METTL1: variants seen among roughly 807,000 people sequenced by gnomAD.
METTL1 encodes tRNA (guanine-N(7)-)-methyltransferase.
A neutral mutation model predicts 27.7 loss-of-function variants in METTL1; 14 were observed. That is an observed-to-expected ratio of 0.51 (90% CI 0.33 to 0.79). The LOEUF (loss-of-function observed/expected upper bound fraction) is 0.79. METTL1 is among the 30% of genes least tolerant of loss of function. The pLI, the probability that METTL1 is intolerant of heterozygous loss-of-function variation, is 0.02. For missense variants in METTL1, 333 were observed against 359.6 expected (o/e 0.93, Z 0.60); for synonymous variants, 138 against 137.0 (o/e 1.01, Z -0.05).
rs550296848 is a variant in METTL1 at position 57,768,905 on chromosome 12, A to C, written c.*91T>G. ...CTTCTTTAAGAGAGTACTGTGTCTC[A>C]GCTCCAGCAGTCTCAACTGGGAAGA... is the stretch of plus-strand genomic sequence containing the variant. On this transcript the variant is annotated 3_prime_UTR_variant, in exon 6 of 6. Transcript: ENST00000324871. The C allele has an allele frequency of 6.1e-6, 9 of 1,485,898 alleles. No individual in the cohort carries two copies. In the East Asian group the frequency reaches 2.1e-4, roughly 34 times the overall value. The allele number at this position is 1,485,898 out of a possible 1,614,324, so 92.0% of individuals were successfully genotyped here.
At chr12:57,771,301 C>T (rs1270126989) in intron 1 of METTL1, 44 bp from the exon 2 acceptor site, 1 of 1,530,934 alleles carries the variant, frequency 6.5e-7, no homozygotes, top group Non-Finnish European at 8.9e-7. Context: ...GTTGGTCACA[C>T]CATTGCAGAA....
intron 2 of METTL1, 109 bp downstream of exon 2, chr12:57,770,985 A>G: frequency 8.4e-7 from 1 of 1,192,216 alleles, no homozygotes; most frequent in African/African-American, 1.5e-5. Context: ...TGATGTCACC[A>G]GTGTCTGGAC....
Position 57,768,666 on chromosome 12 carries a change from C to T in METTL1, c.*330G>A. On this transcript the variant is annotated 3_prime_UTR_variant, in exon 6 of 6. Coordinates refer to ENST00000324871, the MANE Select transcript of METTL1 (RefSeq NM_005371.6). ...CCTAGCAAGCAGTTTAGATGGACTA[C>T]ATTCCTCATTCCAGCTGAGGAGAGA... The T allele has an allele frequency of 3.5e-6, 1 of 288,524 alleles. No individual in the cohort carries two copies. Among genetic ancestry groups the T allele is most frequent in the East Asian group, 5.9e-5 (1 of 17,042 alleles). 17.9% of individuals were successfully genotyped at this position (288,524 alleles called of 1,614,324 possible).
Position 57,769,936 on chromosome 12 carries a change from G to C in METTL1, c.295C>G (p.Pro99Ala), listed in dbSNP as rs746979244. The C allele has an allele frequency of 6.2e-7, 1 of 1,610,284 alleles. No individual in the cohort carries two copies. Among genetic ancestry groups the C allele is most frequent in the Admixed American group, 1.7e-5 (1 of 59,546 alleles). Reference sequence around the variant, plus strand: ...TCCAGACCCAGAATAAGTGTGTCTGGGAACAGCGGTGACAGTTCCACTGCA... The same window carrying C: ...TCCAGACCCAGAATAAGTGTGTCTGCGAACAGCGGTGACAGTTCCACTGCA... ...GLLVELSPLF[P>A]DTLILGLEIR... Residue 99 changes from proline to alanine, a missense_variant, in exon 3 of 6, where the codon CCA becomes GCA. By Grantham distance (27) the Pro-to-Ala change is conservative (BLOSUM62 -1). Coordinates refer to ENST00000324871, the MANE Select transcript of METTL1 (RefSeq NM_005371.6).
At chr12:57,771,501 G>A (rs1379765398) in intron 1 of METTL1, 3 of 1,521,748 alleles carry the variant, frequency 2.0e-6, no homozygotes, top group Admixed American at 2.0e-5. Context: ...CACTTCTGGC[G>A]GTTGATGTGA....
intron 1 of METTL1, chr12:57,771,562 G>A (rs1346368220): frequency 6.5e-7 from 1 of 1,535,168 alleles, no homozygotes. Context: ...CTTCTCCCGA[G>A]ACTGGCTGCC....
rs746272880 is a variant in METTL1, at chr12:57,771,092, A to G, written c.274+2T>C. On this transcript the variant is annotated splice_donor_variant, in intron 2 of 5. Transcript: ENST00000324871. LOFTEE classifies it high-confidence loss of function. Reference sequence around the variant, plus strand: ...ACCCCAAAAAGAGGGCCTGAGTGTTACCTAACAGGCCACCATAGCCACAGC... The same window carrying G: ...ACCCCAAAAAGAGGGCCTGAGTGTTGCCTAACAGGCCACCATAGCCACAGC... The G allele has an allele frequency of 5.0e-6, 8 of 1,612,816 alleles. No homozygotes were observed. Among genetic ancestry groups the G allele is most frequent in the Non-Finnish European group, 6.8e-6 (8 of 1,179,790 alleles).
chr12:57,772,057 G>A lies in METTL1; in HGVS notation c.27C>T (p.Ala9=), dbSNP rs370335662. 6 of 1,558,190 alleles carry A rather than the reference G, an allele frequency of 3.9e-6. No homozygotes were observed. In the African/African-American group the frequency reaches 7.1e-5, roughly 18 times the overall value. Residue 9 remains alanine, a synonymous_variant, in exon 1 of 6, where the codon GCC becomes GCT. Coordinates refer to ENST00000324871, the MANE Select transcript of METTL1 (RefSeq NM_005371.6). This position sits in a 1 kb window ranked among gnomAD's most constrained non-coding sequence, Gnocchi z 4.1. MAAETRNV[A]GAEAPPPQKR... is the part of the protein sequence containing the mutation. ...TCTGGGGCGGTGGGGCCTCTGCTCC[G>A]GCCACGTTCCGAGTCTCGGCTGCCA... is the stretch of plus-strand genomic sequence containing the variant.
chr12:57,769,053 T>C lies in METTL1; in HGVS notation c.774A>G (p.Arg258=). 6.2e-7 allele frequency: 1 copy of C among 1,611,924 alleles called. No individual in the cohort carries two copies. Among genetic ancestry groups the C allele is most frequent in the Non-Finnish European group, 8.5e-7 (1 of 1,178,384 alleles). Residue 258 remains arginine, a synonymous_variant, in exon 6 of 6, where the codon AGA becomes AGG. Coordinates refer to ENST00000324871, the MANE Select transcript of METTL1 (RefSeq NM_005371.6). ...CTGCCTGGAGGACGGGATCTTGTATTCTTCGGAAGATGGCTGGGAAATTCT... is the reference window on the plus strand; with the variant it reads ...CTGCCTGGAGGACGGGATCTTGTATCCTTCGGAAGATGGCTGGGAAATTCT... ...GGKNFPAIFR[R]IQDPVLQAVT...
In METTL1 at chr12:57,771,173, G is replaced by C; in HGVS notation, c.195C>G (p.Asp65Glu). ...CTCTCTTTTCTTTCTTATCCTTTGGGTCATCGTGGCTCTGATTTTGAGTGA... is the reference window on the plus strand; with the variant it reads ...CTCTCTTTTCTTTCTTATCCTTTGGCTCATCGTGGCTCTGATTTTGAGTGA... ...APLTQNQSHD[D>E]PKDKKEKRAQ... Residue 65 changes from aspartate to glutamate, a missense_variant, in exon 2 of 6, where the codon GAC (aspartate) becomes GAG (glutamate). Coordinates refer to ENST00000324871, the MANE Select transcript of METTL1 (RefSeq NM_005371.6). The C allele has an allele frequency of 4.3e-6, 7 of 1,614,164 alleles. No individual in the cohort carries two copies. The highest frequency in any genetic ancestry group is 5.9e-6 in the Non-Finnish European group (7 of 1,180,036).
Position 57,772,077 on chromosome 12 carries a change from C to T in METTL1, c.7G>A (p.Ala3Thr), listed in dbSNP as rs753060823. Residue 3 changes from alanine (A) to threonine (T), a missense_variant, in exon 1 of 6, where the codon GCC (alanine) becomes ACC (threonine). Physicochemically the swap from Ala to Thr is moderately conservative, Grantham distance 58. Transcript: ENST00000324871. This position sits in a 1 kb window ranked among gnomAD's most constrained non-coding sequence, Gnocchi z 4.1. MA[A>T]ETRNVAGAEA... is the part of the protein sequence containing the mutation. ...GCTCCGGCCACGTTCCGAGTCTCGG[C>T]TGCCATGATCCCAGTCCGGGGTTTC... is the stretch of plus-strand genomic sequence containing the variant. 1.1e-5 allele frequency: 17 copies of T among 1,564,184 alleles called. No homozygotes were observed. The Admixed American group carries it at 2.1e-4, about 20-fold the overall frequency.
In METTL1 at chr12:57,772,053, C is replaced by G; in HGVS notation, c.31G>C (p.Ala11Pro). ...CGCTTCTGGGGCGGTGGGGCCTCTGCTCCGGCCACGTTCCGAGTCTCGGCT... is the reference window on the plus strand; with the variant it reads ...CGCTTCTGGGGCGGTGGGGCCTCTGGTCCGGCCACGTTCCGAGTCTCGGCT... MAAETRNVAG[A>P]EAPPPQKRYY... The change falls in exon 1 of 6, where the codon GCA becomes CCA. Residue 11 changes from alanine (A) to proline (P), a missense_variant. Transcript: ENST00000324871. This position sits in a 1 kb window ranked among gnomAD's most constrained non-coding sequence, Gnocchi z 4.1. The G allele has an allele frequency of 6.4e-7, 1 of 1,558,508 alleles. No individual in the cohort carries two copies. The highest frequency in any genetic ancestry group is 8.6e-7 in the Non-Finnish European group (1 of 1,161,158).
Position 57,769,958 on chromosome 12 carries a change from TG to T in METTL1, c.275-3del. 1.3e-6 allele frequency: 2 copies of T among 1,599,294 alleles called. No individual in the cohort carries two copies. Among genetic ancestry groups the T allele is most frequent in the Non-Finnish European group, 1.7e-6 (2 of 1,170,814 alleles). Reference sequence around the variant, plus strand: ...CTGGGAACAGCGGTGACAGTTCCACTGCACACAGAAATAGCAATGGAATCAT... The same window carrying T: ...CTGGGAACAGCGGTGACAGTTCCACTCACACAGAAATAGCAATGGAATCAT... On this transcript the variant is annotated splice_region_variant and splice_polypyrimidine_tract_variant and intron_variant, in intron 2 of 5. Coordinates refer to ENST00000324871, the MANE Select transcript of METTL1 (RefSeq NM_005371.6).
rs1222978735 is a variant in METTL1 at position 57,768,960 on chromosome 12, C to A, written c.*36G>T. On this transcript the variant is annotated 3_prime_UTR_variant, in exon 6 of 6. Transcript: ENST00000324871. The stretch of plus-strand genomic sequence containing the variant: ...GGACTCCTGCTCTTTTCTCTAATCC[C>A]TGGGAGACGAGGTCCAGCTAAGGTA... 1.3e-6 allele frequency: 2 copies of A among 1,584,128 alleles called. No individual in the cohort carries two copies. The highest frequency in any genetic ancestry group is 2.3e-5 in the East Asian group (1 of 44,098).
At position 57,769,704 on chromosome 12, in the gene METTL1, G is replaced by A. The variant is rs370590205; in HGVS notation, c.460-26C>T. ...CTGTGAGACAGACACACACCAACAG[G>A]GTTGTGAGAGCCTGGCCTCCATGCC... is the stretch of plus-strand genomic sequence containing the variant. On this transcript the variant is annotated intron_variant, in intron 3 of 5. Transcript: ENST00000324871. The A allele has an allele frequency of 1.4e-5, 23 of 1,602,242 alleles. No individual in the cohort carries two copies. In the African/African-American group the frequency reaches 2.8e-4, roughly 20 times the overall value.
At position 57,771,394 on chromosome 12, in the gene METTL1, C is replaced by T. The variant is rs1955429325; in HGVS notation, c.111-137G>A. 1.9e-5 allele frequency: 28 copies of T among 1,465,936 alleles called. No individual in the cohort carries two copies. In the South Asian group the frequency reaches 3.7e-4, roughly 20 times the overall value. 90.8% of individuals were successfully genotyped at this position (1,465,936 alleles called of 1,614,324 possible). A position where few individuals can be genotyped will look rare whatever the true frequency, so the allele number is the denominator to read the frequency against. On this transcript the variant is annotated intron_variant, in intron 1 of 5. Coordinates refer to ENST00000324871, the MANE Select transcript of METTL1 (RefSeq NM_005371.6). ...TCTCAAAAATTCTGTAACACTGGGC[C>T]CTGTGGCCTCTAAGAGGGACAATGG...
In METTL1 at chr12:57,772,044, G is replaced by A; in HGVS notation, c.40C>T (p.Pro14Ser). The change falls in exon 1 of 6, where the codon CCA becomes TCA. Residue 14 changes from proline to serine, a missense_variant. By Grantham distance (74) the Pro-to-Ser change is moderately conservative (BLOSUM62 -1). Transcript: ENST00000324871. The surrounding 1 kb of genome is among the most constrained non-coding windows in gnomAD (Gnocchi z 4.1). Reference sequence around the variant, plus strand: ...CGGTAGTAGCGCTTCTGGGGCGGTGGGGCCTCTGCTCCGGCCACGTTCCGA... The same window carrying A: ...CGGTAGTAGCGCTTCTGGGGCGGTGAGGCCTCTGCTCCGGCCACGTTCCGA... Reference protein sequence around the residue: ...ETRNVAGAEAPPPQKRYYRQR... With the variant: ...ETRNVAGAEASPPQKRYYRQR... 1.3e-6 allele frequency: 2 copies of A among 1,554,220 alleles called. No individual in the cohort carries two copies. The highest frequency in any genetic ancestry group is 2.3e-5 in the Admixed American group (1 of 44,322).
intron 4 of METTL1, 69 bp from the exon 5 acceptor site, chr12:57,769,473 G>T (rs1204469598): frequency 6.3e-7 from 1 of 1,594,840 alleles, no homozygotes; most frequent in East Asian, 2.2e-5. Context: ...AGGAAGTGGT[G>T]GTGTGAGTCC....
Position 57,769,905 on chromosome 12 carries a change from C to G in METTL1, c.326G>C (p.Arg109Pro). The change falls in exon 3 of 6, where the codon CGG (arginine) becomes CCG (proline). Residue 109 changes from arginine (R) to proline (P), a missense_variant. Arg to Pro is a moderately radical substitution (Grantham distance 103). Transcript: ENST00000324871. The part of the protein sequence containing the change: ...PDTLILGLEI[R>P]VKVSDYVQDR... ...TTGTACATAGTCTGAGACCTTCACC[C>G]GGATCTCCAGACCCAGAATAAGTGT... 6.2e-7 allele frequency: 1 copy of G among 1,613,354 alleles called. No homozygotes were observed. Among genetic ancestry groups the G allele is most frequent in the Non-Finnish European group, 8.5e-7 (1 of 1,179,638 alleles).
Sources: allele counts gnomAD v4.1 joint callset, GRCh38; gene constraint gnomAD v4.1.1; non-coding constraint Gnocchi (gnomAD v3.1); transcripts MANE v1.5; gene names NCBI Gene and HGNC (gene_info 2026-07-23, HGNC 2026-07-21).